The following DENND4A variants were observed in gnomAD, a reference collection of about 807,000 sequenced individuals.
DENND4A encodes C-myc promoter-binding protein.
DENND4A carries 70 observed loss-of-function variants against 199.3 expected under a neutral mutation model. The ratio of observed to expected loss-of-function variants is 0.35; its 90% CI spans 0.29 to 0.43. The LOEUF is 0.43. Ranked by LOEUF, DENND4A falls within the 20% of genes least tolerant of loss-of-function variation. The pLI is 1.00. For missense variants in DENND4A, 1,723 were observed against 2,255.8 expected (o/e 0.76, Z 4.78); for synonymous variants, 686 against 766.9 (o/e 0.89, Z 1.74).
At chr15:65,707,114 T>C (rs1250346249) in intron 14 of DENND4A, among the ~76,000 whole-genome samples, 2 of 152,174 alleles carry the variant, frequency 1.3e-5, no homozygotes, top group Non-Finnish European at 2.9e-5. Context: ...AGACGTATAT[T>C]TGAGTTAAAC....
chr15:65,757,777 G>T (rs2076747097), intron 2 of DENND4A, among the ~76,000 whole-genome samples: 1 of 152,148 alleles, frequency 6.6e-6, no homozygotes, highest in Admixed American at 6.5e-5. Context: ...GAGGTCGGGA[G>T]TTCAAGACTA....
intron 14 of DENND4A, among the ~76,000 whole-genome samples, chr15:65,706,475 CACACACACACACACACACACATAT>C (rs2142249303): frequency 1.8e-5 from 2 of 113,516 alleles, no homozygotes; most frequent in African/African-American, 8.1e-5. Flanking sequence ...CACACACACA[CACACACACACACACACACACATAT>C]ATATATATAT....
chr15:65,680,276 C>T (rs1166117704), intron 23 of DENND4A, among the ~76,000 whole-genome samples: 2 of 152,152 alleles, frequency 1.3e-5, no homozygotes, highest in African/African-American at 4.8e-5. Flanking sequence ...TTTCATCAAT[C>T]CAGTTTCATT....
rs11071847 is a variant in DENND4A at position 65,677,927 on chromosome 15, CTTTTTTT to C, written c.4180-1300_4180-1294del. On this transcript the variant is annotated intron_variant, in intron 23 of 32. Coordinates refer to ENST00000443035, the MANE Select transcript of DENND4A (RefSeq NM_001320835.1). Reference sequence around the variant, plus strand: ...TATTTTAGAGTGCAGCCTCTTATCTCTTTTTTTTTTTTTTTTTTTTCAAAGAATTTTG... The same window carrying C: ...TATTTTAGAGTGCAGCCTCTTATCTCTTTTTTTTTTTTTCAAAGAATTTTG... Among the ~76,000 whole-genome samples the C allele has an allele frequency of 4.7e-3, 469 of 100,102 alleles. 2 individuals are homozygous for C. The highest frequency in any genetic ancestry group is 0.027 in the Middle Eastern group (5 of 186). 65.7% of individuals were successfully genotyped at this position (100,102 alleles called of 152,430 possible).
intron 30 of DENND4A, 164 bp from the exon 31 acceptor site, chr15:65,664,886 C>T (rs2075984889): frequency 8.4e-6 from 5 of 591,950 alleles, no homozygotes; most frequent in East Asian, 3.0e-5. Flanking sequence ...AAAAATAAGA[C>T]AAATAATGAC....
At chr15:65,771,884 C>T in intron 1 of DENND4A, 1 of 1,611,720 alleles carries the variant, frequency 6.2e-7, no homozygotes, top group Admixed American at 1.7e-5. Flanking sequence ...TCTGTTGCTC[C>T]AGGTGCATGG....
chr15:65,703,086 A>T, intron 15 of DENND4A, 78 bp from the exon 16 acceptor site: 1 of 1,351,074 alleles, frequency 7.4e-7, no homozygotes, highest in Non-Finnish European at 1.0e-6. Context: ...ACAGGTTAAT[A>T]TAATTACGAC....
chr15:65,761,768 GAAC>G (rs532298724), intron 1 of DENND4A, among the ~76,000 whole-genome samples: 62 of 152,168 alleles, frequency 4.1e-4, no homozygotes, highest in Admixed American at 1.0e-3. Context: ...GTGTGAGAAA[GAAC>G]AACATGACTA....
chr15:65,780,445 A>G (rs1439703584), intron 1 of DENND4A, among the ~76,000 whole-genome samples: 1 of 152,240 alleles, frequency 6.6e-6, no homozygotes, highest in African/African-American at 2.4e-5. Flanking sequence ...TAAGTGGTAC[A>G]ATTAAGAAAT....
At chr15:65,734,535 TTG>T (rs1254205293) in intron 7 of DENND4A, among the ~76,000 whole-genome samples, 5 of 152,128 alleles carry the variant, frequency 3.3e-5, no homozygotes, top group African/African-American at 1.2e-4. Flanking sequence ...TCTCTATACT[TTG>T]TCTCTGTGTT....
chr15:65,756,300 T>C lies in DENND4A; in HGVS notation c.151A>G (p.Ile51Val). 3 of 1,613,654 alleles carry C rather than the reference T, an allele frequency of 1.9e-6. No homozygotes were observed. The highest frequency in any genetic ancestry group is 2.5e-6 in the Non-Finnish European group (3 of 1,179,700). ...ACTTCCTCCCCAAGAGATTTGATAA[T>C]AACTGAAACATCTGTAATAGGTTCT... ...PKEPITDVSV[I>V]IKSLGEEVPQ... Residue 51 changes from isoleucine to valine, a missense_variant, in exon 3 of 33, where the codon ATT (isoleucine) becomes GTT (valine). This residue lies in a region of DENND4A where 725 missense variants were observed against 952.9 expected (regional missense o/e 0.76). Coordinates refer to ENST00000443035, the MANE Select transcript of DENND4A (RefSeq NM_001320835.1).
chr15:65,740,211 A>G (rs905260616), intron 5 of DENND4A, among the ~76,000 whole-genome samples: 1 of 151,770 alleles, frequency 6.6e-6, no homozygotes, highest in Non-Finnish European at 1.5e-5. Context: ...TGGTAGTGAG[A>G]ATGACTCATA....
At chr15:65,692,588 C>A (rs1480729595) in intron 22 of DENND4A, among the ~76,000 whole-genome samples, 1 of 152,120 alleles carries the variant, frequency 6.6e-6, no homozygotes, top group Non-Finnish European at 1.5e-5. Context: ...TACTAGAGGT[C>A]ATAAAAGCCT....
chr15:65,660,186 A>T lies in DENND4A; in HGVS notation c.*1665T>A. The T allele has an allele frequency of 2.4e-6, 2 of 821,836 alleles. No individual in the cohort carries two copies. Among genetic ancestry groups the T allele is most frequent in the Non-Finnish European group, 4.0e-6 (2 of 500,632 alleles). The allele number at this position is 821,836 out of a possible 1,614,324, so 50.9% of individuals were successfully genotyped here. On this transcript the variant is annotated 3_prime_UTR_variant, in exon 33 of 33. Coordinates refer to ENST00000443035, the MANE Select transcript of DENND4A (RefSeq NM_001320835.1). ...TGGTATTTACAAAGGAGAGGCAGAT[A>T]TATGTGCCTAGCACCAGATTTTTCA... is the stretch of plus-strand genomic sequence containing the variant.
chr15:65,761,154 A>C (rs1215556257), intron 2 of DENND4A, among the ~76,000 whole-genome samples: 1 of 152,214 alleles, frequency 6.6e-6, no homozygotes, highest in Non-Finnish European at 1.5e-5. Flanking sequence ...TTTTGTCTCT[A>C]ATAAATGGTG....
In DENND4A at chr15:65,660,373, C is replaced by G. The variant is rs2141788667; in HGVS notation, c.*1478G>C. On this transcript the variant is annotated 3_prime_UTR_variant, in exon 33 of 33. Transcript: ENST00000443035. ...CTGCAGCTGAACTGATTCTAAGTCT[C>G]AGGACTCCAAGATACCTCCAGTCCA... The G allele has an allele frequency of 7.2e-7, 1 of 1,384,844 alleles. No homozygotes were observed. The highest frequency in any genetic ancestry group is 2.0e-5 in the Admixed American group (1 of 50,450). The allele number at this position is 1,384,844 out of a possible 1,614,324, so 85.8% of individuals were successfully genotyped here.
At position 65,728,778 on chromosome 15, in the gene DENND4A, C is replaced by T. The variant is rs372319809; in HGVS notation, c.1487+294G>A. On this transcript the variant is annotated intron_variant, in intron 11 of 32. Coordinates refer to ENST00000443035, the MANE Select transcript of DENND4A (RefSeq NM_001320835.1). ...TGCTAGGATTACAGGCATGAGCCAC[C>T]GCGCCCGGCCCCCTTTGGCTAAATT... is the stretch of plus-strand genomic sequence containing the variant. 7.2e-5 allele frequency among the ~76,000 whole-genome samples: 11 copies of T among 152,058 alleles called. No individual in the cohort carries two copies. In the East Asian group the frequency reaches 1.5e-3, roughly 21 times the overall value.
chr15:65,698,725 CCTT>C (rs2077241688), intron 20 of DENND4A, among the ~76,000 whole-genome samples: 1 of 126,228 alleles, frequency 7.9e-6, no homozygotes, highest in Non-Finnish European at 1.6e-5. Flanking sequence ...TTTAAGATAG[CCTT>C]TTTTTTTTTT....
rs1567022351 is a variant in DENND4A at position 65,701,869 on chromosome 15, G to A, written c.2452C>T (p.Gln818Ter). ...PDEVCYRILM[Q>*]LCGQYDQPVL... is the part of the protein sequence containing the mutation. Reference sequence around the variant, plus strand: ...GGCTGATCATATTGTCCACAGAGTTGCATAAGAATGCGGTAGCATACCTGA... The same window carrying A: ...GGCTGATCATATTGTCCACAGAGTTACATAAGAATGCGGTAGCATACCTGA... Residue 818 changes from glutamine (Q) to a stop codon, truncating the protein, a stop_gained, in exon 18 of 33, where the codon CAA becomes TAA. Coordinates refer to ENST00000443035, the MANE Select transcript of DENND4A (RefSeq NM_001320835.1). LOFTEE classifies it high-confidence loss of function. 6.2e-7 allele frequency: 1 copy of A among 1,613,836 alleles called. No individual in the cohort carries two copies.
Sources: gnomAD v4.1 joint callset for allele counts (sites outside exome capture counted in the v4.1 genomes callset) on GRCh38, gnomAD v4.1.1 for gene constraint, gnomAD v4.1.1 regional missense constraint, MANE v1.5 for transcripts, NCBI Gene and HGNC (gene_info 2026-07-23, HGNC 2026-07-21) for gene names.